TMCO2: variants seen among roughly 807,000 people sequenced by gnomAD.
TMCO2 encodes transmembrane and coiled-coil domains 2, also known as transmembrane and coiled-coil domain-containing protein 2.
In TMCO2, 15 loss-of-function variants were observed where a neutral mutation model predicts 18.0. The ratio of observed to expected loss-of-function variants is 0.84; its 90% CI spans 0.56 to 1.29. TMCO2 has a LOEUF of 1.29. Among genes scored for constraint, TMCO2 ranks in the 50% most tolerant of loss-of-function variants. The pLI, the probability that TMCO2 is intolerant of heterozygous loss-of-function variation, is 0.00. For synonymous variants in TMCO2, 79 were observed against 75.9 expected (o/e 1.04, Z -0.21); for missense variants, 182 against 200.9 (o/e 0.91, Z 0.57).
intron 1 of TMCO2, among the ~76,000 whole-genome samples, chr1:40,250,997 C>T (rs1643378795): frequency 2.0e-5 from 3 of 151,906 alleles, no homozygotes; most frequent in Admixed American, 6.6e-5. Context: ...ATTAGCCGGG[C>T]GTGGTGGTGG....
At chr1:40,249,489 G>T (rs369256032) in intron 1 of TMCO2, among the ~76,000 whole-genome samples, 92 of 151,304 alleles carry the variant, frequency 6.1e-4, no homozygotes, top group African/African-American at 2.2e-3. Context: ...TGAGGCAGAA[G>T]AATTGCTTGA....
At chr1:40,248,468 T>C (rs993354184) in intron 1 of TMCO2, among the ~76,000 whole-genome samples, 3 of 152,328 alleles carry the variant, frequency 2.0e-5, no homozygotes, top group Non-Finnish European at 1.5e-5. Context: ...AGACCAAACA[T>C]GTTGGTAACC....
At position 40,251,454 on chromosome 1, in the gene TMCO2, G is replaced by T. The variant is rs1408217001; in HGVS notation, c.409G>T (p.Glu137Ter). The T allele has an allele frequency of 7.4e-6, 12 of 1,613,520 alleles. No homozygotes were observed. The highest frequency in any genetic ancestry group is 1.0e-5 in the Non-Finnish European group (12 of 1,179,906). The part of the protein sequence containing the change: ...EKILKKLKTV[E>*]NKMKNLEGII... ...AATTTTGAAAAAACTTAAGACAGTG[G>T]AAAACAAAATGAAGAACCTAGAAGG... The change falls in exon 2 of 2, where the codon GAA (glutamate) becomes TAA (stop). Residue 137 changes from glutamate to a stop codon, truncating the protein, a stop_gained. Transcript: ENST00000372766. LOFTEE classifies it high-confidence loss of function.
rs150269741 is a variant in TMCO2 at position 40,251,534 on chromosome 1, C to T, written c.489C>T (p.Tyr163=). ...AGAGGGATTGCTCCTCTGAGCCCTACTGCAGCTGCTCTGACTGCCAGAGTC... is the reference window on the plus strand; with the variant it reads ...AGAGGGATTGCTCCTCTGAGCCCTATTGCAGCTGCTCTGACTGCCAGAGTC... The part of the protein sequence containing the change: ...ATKRDCSSEP[Y]CSCSDCQSPL... Residue 163 remains tyrosine (Y), a synonymous_variant, in exon 2 of 2, where the codon TAC becomes TAT. Transcript: ENST00000372766. 2 of 1,613,772 alleles carry T rather than the reference C, an allele frequency of 1.2e-6. No homozygotes were observed. The highest frequency in any genetic ancestry group is 1.3e-5 in the African/African-American group (1 of 74,926).
At chr1:40,249,910 G>A (rs1332209397) in intron 1 of TMCO2, among the ~76,000 whole-genome samples, 2 of 151,960 alleles carry the variant, frequency 1.3e-5, no homozygotes, top group East Asian at 3.9e-4. Flanking sequence ...CCTGACCTCA[G>A]GTGATCCGCC....
rs1413722177 is a variant in TMCO2 at position 40,248,012 on chromosome 1, T to C, written c.19T>C (p.Ser7Pro). The change falls in exon 1 of 2, where the codon TCT (serine) becomes CCT (proline). Residue 7 changes from serine (S) to proline (P), a missense_variant. Coordinates refer to ENST00000372766, the MANE Select transcript of TMCO2 (RefSeq NM_001008740.4). Reference protein sequence around the residue: MSTSSSSSWDNLLESLS... With the variant: MSTSSSPSWDNLLESLS... ...TATTAAAATGTCAACATCTTCATCT[T>C]CTAGCTGGGACAACCTCTTAGAGTC... 1 of 1,614,114 alleles carries C rather than the reference T, an allele frequency of 6.2e-7. No individual in the cohort carries two copies. The highest frequency in any genetic ancestry group is 2.2e-5 in the East Asian group (1 of 44,882).
At chr1:40,249,929 C>T (rs571951151) in intron 1 of TMCO2, among the ~76,000 whole-genome samples, 70 of 152,258 alleles carry the variant, frequency 4.6e-4, no homozygotes, top group South Asian at 1.0e-3. Flanking sequence ...CCCACCTTGG[C>T]CTCCCAAAGT....
At chr1:40,249,996 A>AT (rs935078718) in intron 1 of TMCO2, among the ~76,000 whole-genome samples, 49 of 140,232 alleles carry the variant, frequency 3.5e-4, no homozygotes, top group Middle Eastern at 3.5e-3. Context: ...TTTATTTTTT[A>AT]TTTTTTTTTT....
intron 1 of TMCO2, among the ~76,000 whole-genome samples, chr1:40,249,321 A>T (rs1055386552): frequency 2.7e-5 from 4 of 149,750 alleles, no homozygotes; most frequent in African/African-American, 9.9e-5. Flanking sequence ...GCGCATATAT[A>T]TGTGTATTGT....
intron 1 of TMCO2, among the ~76,000 whole-genome samples, chr1:40,249,640 C>G (rs941954646): frequency 2.0e-5 from 3 of 150,936 alleles, no homozygotes; most frequent in African/African-American, 7.3e-5. Context: ...CTTATCCTAG[C>G]AAGAATCTGT....
chr1:40,248,926 T>TA (rs1460557138), intron 1 of TMCO2, among the ~76,000 whole-genome samples: 3 of 152,226 alleles, frequency 2.0e-5, no homozygotes. Context: ...ACGGCTTTCT[T>TA]AGAGTGACAA....
intron 1 of TMCO2, among the ~76,000 whole-genome samples, chr1:40,251,032 G>A (rs896111872): frequency 1.4e-4 from 21 of 151,876 alleles, no homozygotes; most frequent in South Asian, 2.1e-4. Context: ...AACTACTCAG[G>A]AGGCTGAGGC....
In TMCO2 at chr1:40,251,304, A is replaced by G; in HGVS notation, c.259A>G (p.Thr87Ala). Residue 87 changes from threonine to alanine, a missense_variant, in exon 2 of 2, where the codon ACA (threonine) becomes GCA (alanine). Transcript: ENST00000372766. ...TTAGAAAACATTGTTGTTTGTAATC[A>G]CACTCTACAAACTTTACAAGAAGGG... ...SIQKTLLFVI[T>A]LYKLYKKGSH... 1 of 1,611,276 alleles carries G rather than the reference A, an allele frequency of 6.2e-7. No individual in the cohort carries two copies. The highest frequency in any genetic ancestry group is 1.3e-5 in the African/African-American group (1 of 74,804).
intron 1 of TMCO2, among the ~76,000 whole-genome samples, chr1:40,250,768 T>C (rs749557842): frequency 1.3e-5 from 2 of 152,196 alleles, no homozygotes; most frequent in Non-Finnish European, 2.9e-5. Context: ...CTTGATTAAA[T>C]GCAAATAATA....
At chr1:40,248,496 C>T (rs900250391) in intron 1 of TMCO2, among the ~76,000 whole-genome samples, 2 of 152,064 alleles carry the variant, frequency 1.3e-5, no homozygotes, top group African/African-American at 4.8e-5. Flanking sequence ...ACAGCCTTAC[C>T]CTCAAAAATT....
At chr1:40,248,743 A>AT (rs1471254142) in intron 1 of TMCO2, among the ~76,000 whole-genome samples, 1 of 152,210 alleles carries the variant, frequency 6.6e-6, no homozygotes, top group Non-Finnish European at 1.5e-5. Context: ...GAGAGACAGG[A>AT]TTTTACATAC....
intron 1 of TMCO2, among the ~76,000 whole-genome samples, chr1:40,248,523 T>C (rs1309375273): frequency 6.6e-6 from 1 of 152,208 alleles, no homozygotes; most frequent in East Asian, 1.9e-4. Context: ...CACTTATTCA[T>C]CTTTGAGTGC....
rs531577313 is a variant in TMCO2, at chr1:40,249,913, G to T, written c.238-1370G>T. On this transcript the variant is annotated intron_variant, in intron 1 of 1. Transcript: ENST00000372766. ...TGGTCTCGAACTCCTGACCTCAGGTGATCCGCCCACCTTGGCCTCCCAAAG... is the reference window on the plus strand; with the variant it reads ...TGGTCTCGAACTCCTGACCTCAGGTTATCCGCCCACCTTGGCCTCCCAAAG... Among the ~76,000 whole-genome samples the T allele has an allele frequency of 1.9e-4, 29 of 152,230 alleles. No homozygotes were observed. The East Asian group carries it at 4.8e-3, about 25-fold the overall frequency.
intron 1 of TMCO2, among the ~76,000 whole-genome samples, chr1:40,250,565 A>G (rs1405201517): frequency 6.6e-6 from 1 of 152,132 alleles, no homozygotes; most frequent in East Asian, 1.9e-4. Context: ...ACTATGTCCT[A>G]AAGTGTACTT....
Sources: allele counts gnomAD v4.1 joint callset (sites outside exome capture counted in the v4.1 genomes callset), GRCh38; gene constraint gnomAD v4.1.1; transcripts MANE v1.5; gene names NCBI Gene and HGNC (gene_info 2026-07-23, HGNC 2026-07-21).